The following RBFOX1 variants were observed in gnomAD, a reference collection of about 807,000 sequenced individuals.
RBFOX1 encodes the protein RNA binding protein fox-1 homolog 1.
RBFOX1 carries 8 observed loss-of-function variants against 57.7 expected under a neutral mutation model. The ratio of observed to expected loss-of-function variants is 0.14; its 90% CI spans 0.08 to 0.25. The LOEUF (loss-of-function observed/expected upper bound fraction) is 0.25, where lower values mean the gene tolerates loss of function less well. Ranked by LOEUF, RBFOX1 falls within the 10% of genes least tolerant of loss-of-function variation. The pLI is 1.00. For missense variants in RBFOX1, 611 were observed against 548.5 expected, an observed-to-expected ratio of 1.11 and a Z score of -1.14; for synonymous variants, 326 against 222.4, an observed-to-expected ratio of 1.47 and a Z score of -4.15.
At chr16:6,659,265 T>C (rs1290903931) in intron 3 of RBFOX1, among the ~76,000 whole-genome samples, 1 of 150,972 alleles carries the variant, frequency 6.6e-6, no homozygotes, top group Non-Finnish European at 1.5e-5. Flanking sequence ...CAGGGCTTCC[T>C]CTTCTCACTT....
intron 4 of RBFOX1, among the ~76,000 whole-genome samples, chr16:7,277,046 T>C (rs2095453857): frequency 1.3e-5 from 2 of 152,252 alleles, no homozygotes; most frequent in Admixed American, 1.3e-4. Flanking sequence ...TGAGAATTTG[T>C]CTGCAGCCCT....
At chr16:7,022,674 C>T (rs928402503) in intron 3 of RBFOX1, among the ~76,000 whole-genome samples, 7 of 151,902 alleles carry the variant, frequency 4.6e-5, no homozygotes, top group Non-Finnish European at 8.8e-5. Context: ...TGACATGTAG[C>T]AGATGAAAGC....
At chr16:7,077,438 G>T (rs1360294017) in intron 4 of RBFOX1, among the ~76,000 whole-genome samples, 1 of 152,180 alleles carries the variant, frequency 6.6e-6, no homozygotes. Flanking sequence ...AGCATCAAAA[G>T]CACAGAGTCT....
intron 4 of RBFOX1, among the ~76,000 whole-genome samples, chr16:5,952,253 C>A (rs938870340): frequency 1.3e-5 from 2 of 151,748 alleles, no homozygotes; most frequent in African/African-American, 4.8e-5. Flanking sequence ...CGGGTTCAAG[C>A]GATTCTCCTG....
At chr16:6,307,226 C>T (rs1391025790) in intron 1 of RBFOX1, among the ~76,000 whole-genome samples, 1 of 151,986 alleles carries the variant, frequency 6.6e-6, no homozygotes, top group Non-Finnish European at 1.5e-5. Context: ...AGTAAAGTGC[C>T]TAGTACATGG....
chr16:7,086,853 G>A (rs1286673897), intron 4 of RBFOX1, among the ~76,000 whole-genome samples: 1 of 152,222 alleles, frequency 6.6e-6, no homozygotes, highest in Non-Finnish European at 1.5e-5. Flanking sequence ...GCTGGGCTTA[G>A]TTGGTGGGGC....
chr16:7,218,033 G>A (rs768535395), intron 4 of RBFOX1, among the ~76,000 whole-genome samples: 17 of 151,370 alleles, frequency 1.1e-4, no homozygotes, highest in African/African-American at 2.4e-4. Context: ...GGGTGTGTGC[G>A]CGCGTGTGCG....
intron 2 of RBFOX1, among the ~76,000 whole-genome samples, chr16:6,431,644 G>A (rs539675915): frequency 5.3e-5 from 8 of 152,228 alleles, no homozygotes; most frequent in Non-Finnish European, 1.0e-4. Flanking sequence ...ATGAGGTCTT[G>A]GCAGGTATTA....
intron 3 of RBFOX1, among the ~76,000 whole-genome samples, chr16:6,973,898 C>A (rs936323107): frequency 6.6e-6 from 1 of 152,148 alleles, no homozygotes; most frequent in Non-Finnish European, 1.5e-5. Flanking sequence ...TTAAGCCCAG[C>A]ATACATTAGC....
chr16:7,151,778 A>T (rs2076159448), intron 4 of RBFOX1, among the ~76,000 whole-genome samples: 1 of 151,992 alleles, frequency 6.6e-6, no homozygotes. Context: ...TGATGGTAGG[A>T]AGTGACAGAT....
intron 3 of RBFOX1, among the ~76,000 whole-genome samples, chr16:7,047,385 T>A (rs2048336678): frequency 6.6e-6 from 1 of 152,150 alleles, no homozygotes; most frequent in South Asian, 2.1e-4. Flanking sequence ...CTCTCTGGAT[T>A]TTTGTTTGTT....
At chr16:6,175,046 G>A (rs763659254) in intron 1 of RBFOX1, among the ~76,000 whole-genome samples, 8 of 152,208 alleles carry the variant, frequency 5.3e-5, no homozygotes, top group Middle Eastern at 6.8e-3. Flanking sequence ...GAAACCATAC[G>A]TATCTCCCAG....
intron 6 of RBFOX1, among the ~76,000 whole-genome samples, chr16:7,583,808 C>G (rs1483472554): frequency 6.6e-6 from 1 of 150,860 alleles, no homozygotes; most frequent in Non-Finnish European, 1.5e-5. Context: ...TAGGGAGACC[C>G]AGTTTCTACA....
chr16:6,340,217 C>T (rs1264027881), intron 2 of RBFOX1, among the ~76,000 whole-genome samples: 2 of 151,956 alleles, frequency 1.3e-5, no homozygotes, highest in East Asian at 3.9e-4. Context: ...TAAGGGGTCA[C>T]GAAACAGGCC....
At chr16:6,589,041 G>C (rs553207964) in intron 2 of RBFOX1, among the ~76,000 whole-genome samples, 1 of 151,994 alleles carries the variant, frequency 6.6e-6, no homozygotes, top group South Asian at 2.1e-4. Context: ...TTTTCAGAAT[G>C]GGTTATTACA....
At chr16:7,155,857 A>C (rs17142713) in intron 4 of RBFOX1, among the ~76,000 whole-genome samples, 1 of 150,948 alleles carries the variant, frequency 6.6e-6, no homozygotes, top group Non-Finnish European at 1.5e-5. Flanking sequence ...GTGATGAACC[A>C]TATGTAGTGG....
intron 3 of RBFOX1, among the ~76,000 whole-genome samples, chr16:6,935,957 G>A (rs1391766706): frequency 6.6e-6 from 1 of 152,198 alleles, no homozygotes; most frequent in Non-Finnish European, 1.5e-5. Flanking sequence ...GAATATGTCT[G>A]CTTTGCTTAC....
At chr16:6,399,187 C>T (rs930944541) in intron 2 of RBFOX1, among the ~76,000 whole-genome samples, 11 of 152,306 alleles carry the variant, frequency 7.2e-5, no homozygotes, top group South Asian at 2.1e-4. Flanking sequence ...GACCATGTCC[C>T]GAGGCAGCAC....
chr16:7,379,760 G>A (rs1410916493), intron 4 of RBFOX1, among the ~76,000 whole-genome samples: 1 of 150,406 alleles, frequency 6.6e-6, no homozygotes, highest in East Asian at 2.0e-4. Context: ...CTGCCTGCCT[G>A]CCTGCCTTCC....
Sources: allele counts gnomAD v4.1 joint callset (sites outside exome capture counted in the v4.1 genomes callset), GRCh38; gene constraint gnomAD v4.1.1; transcripts MANE v1.5; gene names NCBI Gene and HGNC (gene_info 2026-07-23, HGNC 2026-07-21).